The following FYB2 variants were observed in gnomAD, a reference collection of about 807,000 sequenced individuals.
FYB2 encodes FYN binding protein 2.
A neutral mutation model predicts 94.1 loss-of-function variants in FYB2; 103 were observed. The observed-to-expected ratio is 1.09, with a 90% confidence interval of 0.93 to 1.29. The LOEUF (loss-of-function observed/expected upper bound fraction) is 1.29. Among genes scored for constraint, FYB2 ranks in the 50% most tolerant of loss-of-function variants. FYB2 has a pLI of 0.00. For synonymous variants in FYB2, 293 were observed against 287.9 expected, an observed-to-expected ratio of 1.02 and a Z score of -0.18; for missense variants, 896 against 841.5, an observed-to-expected ratio of 1.06 and a Z score of -0.80.
At chr1:56,756,989 T>G (rs181225546) in intron 6 of FYB2, among the ~76,000 whole-genome samples, 16 of 152,236 alleles carry the variant, frequency 1.1e-4, no homozygotes, top group Admixed American at 3.9e-4. Context: ...GAGCATAAAC[T>G]ATGTTGACTC....
chr1:56,735,556 G>A (rs745838670), intron 15 of FYB2, among the ~76,000 whole-genome samples: 18 of 152,074 alleles, frequency 1.2e-4, no homozygotes, highest in Non-Finnish European at 2.5e-4. Flanking sequence ...GTCAGGCTTT[G>A]TGTCTCCACT....
At chr1:56,756,476 G>A (rs576260090) in intron 6 of FYB2, among the ~76,000 whole-genome samples, 1 of 152,146 alleles carries the variant, frequency 6.6e-6, no homozygotes, top group African/African-American at 2.4e-5. Context: ...TTTGGAATCT[G>A]TCTAAGAACT....
At chr1:56,823,577 C>T (rs956757668), upstream of FYB2, 1 of 152,186 alleles carries the variant, frequency 6.6e-6, no homozygotes, top group Non-Finnish European at 1.5e-5. Context: ...AAGCTCGCAT[C>T]TCAATTTTGT....
chr1:56,721,484 C>A, intron 17 of FYB2, among the ~76,000 whole-genome samples: 1 of 152,002 alleles, frequency 6.6e-6, no homozygotes, highest in Non-Finnish European at 1.5e-5. Flanking sequence ...GTAATCGCTT[C>A]CTTACTGGCT....
At chr1:56,821,170 A>G (rs996931212), upstream of FYB2, among the ~76,000 whole-genome samples, 2 of 152,194 alleles carry the variant, frequency 1.3e-5, no homozygotes, top group Admixed American at 6.5e-5. Flanking sequence ...CGCAGTCCCA[A>G]CTGATAATTG....
At chr1:56,795,253 A>G (rs934038187) in intron 1 of FYB2, among the ~76,000 whole-genome samples, 3 of 152,080 alleles carry the variant, frequency 2.0e-5, no homozygotes, top group Non-Finnish European at 2.9e-5. Context: ...TAACTGTCTT[A>G]TTTCACTTAT....
rs1190455939 is a variant in FYB2, at chr1:56,763,694, T to G, written c.1063+4135A>C. On this transcript the variant is annotated intron_variant, in intron 5 of 19. Coordinates refer to ENST00000343433, the MANE Select transcript of FYB2 (RefSeq NM_001004303.5). ...TTCAGCCTTGCTAGACGTTTATCAATTTTTTCAACCTTGCTAGAAGTTTGT... is the reference window on the plus strand; with the variant it reads ...TTCAGCCTTGCTAGACGTTTATCAAGTTTTTCAACCTTGCTAGAAGTTTGT... Among the ~76,000 whole-genome samples the G allele has an allele frequency of 2.0e-5, 3 of 152,282 alleles. No individual in the cohort carries two copies. The East Asian group carries it at 5.8e-4, about 29-fold the overall frequency.
At chr1:56,793,120 A>G (rs972477986) in intron 1 of FYB2, among the ~76,000 whole-genome samples, 1 of 152,184 alleles carries the variant, frequency 6.6e-6, no homozygotes, top group Non-Finnish European at 1.5e-5. Flanking sequence ...CCCTTGATAC[A>G]AACTTTTGAT....
intron 14 of FYB2, 109 bp downstream of exon 14, chr1:56,738,516 A>G: frequency 8.5e-7 from 1 of 1,180,954 alleles, no homozygotes; most frequent in Non-Finnish European, 1.2e-6. Flanking sequence ...TGGTAGAGCA[A>G]TTTTTCATCA....
intron 5 of FYB2, among the ~76,000 whole-genome samples, chr1:56,759,364 A>T (rs1007074648): frequency 1.1e-4 from 16 of 152,184 alleles, no homozygotes; most frequent in African/African-American, 3.9e-4. Flanking sequence ...ACCATAGAAC[A>T]TACTTATACA....
chr1:56,737,928 T>C (rs1242133326), intron 14 of FYB2, among the ~76,000 whole-genome samples: 2 of 152,112 alleles, frequency 1.3e-5, no homozygotes, highest in African/African-American at 4.8e-5. Context: ...TTGTCATTTG[T>C]CTTTTAGTTC....
chr1:56,799,389 A>T (rs1230771074), intron 1 of FYB2, among the ~76,000 whole-genome samples: 1 of 152,174 alleles, frequency 6.6e-6, no homozygotes, highest in East Asian at 1.9e-4. Context: ...TTAAAAATGT[A>T]GCTCTAATCA....
At chr1:56,766,308 G>A (rs894086226) in intron 5 of FYB2, among the ~76,000 whole-genome samples, 2 of 152,148 alleles carry the variant, frequency 1.3e-5, no homozygotes, top group East Asian at 1.9e-4. Context: ...CATTTTGGGG[G>A]TGCTGGGCAG....
rs928680149 is a variant in FYB2 at position 56,792,328 on chromosome 1, T to C, written c.485A>G (p.Tyr162Cys). The C allele has an allele frequency of 2.5e-6, 4 of 1,614,108 alleles. No individual in the cohort carries two copies. The Admixed American group carries it at 5.0e-5, about 20-fold the overall frequency. ...EMSSALLLAN[Y>C]GSKAIHLEGQ... The stretch of plus-strand genomic sequence containing the variant: ...TTCCAGATGGATGGCCTTACTTCCA[T>C]AGTTGGCAAGGAGAAGGGCTGAAGA... Residue 162 changes from tyrosine (Y) to cysteine (C), a missense_variant, in exon 2 of 20, where the codon TAT becomes TGT. Transcript: ENST00000343433.
chr1:56,751,010 A>G (rs752404869), intron 9 of FYB2, 34 bp downstream of exon 9: 4 of 1,595,324 alleles, frequency 2.5e-6, no homozygotes, highest in Non-Finnish European at 1.7e-6. Flanking sequence ...ACAAATTGTA[A>G]TGATGAAGAA....
At chr1:56,756,743 G>A (rs1419187453) in intron 6 of FYB2, among the ~76,000 whole-genome samples, 1 of 152,068 alleles carries the variant, frequency 6.6e-6, no homozygotes, top group Non-Finnish European at 1.5e-5. Context: ...CTGTAATATG[G>A]GAGCAGTGAT....
At chr1:56,731,580 T>A (rs2100542013) in intron 15 of FYB2, among the ~76,000 whole-genome samples, 1 of 152,142 alleles carries the variant, frequency 6.6e-6, no homozygotes. Context: ...ACTGGCTTCA[T>A]CATGTGAAGC....
upstream of FYB2, among the ~76,000 whole-genome samples, chr1:56,819,948 C>T (rs7523601): frequency 0.25 from 37,529 of 151,962 alleles, 4,709 homozygotes; most frequent in Middle Eastern, 0.29. Context: ...TGAAGAATGG[C>T]CGGGTGCAGT....
chr1:56,720,077 G>A (rs376135398), intron 18 of FYB2, 22 bp from the exon 19 acceptor site: 17 of 1,596,620 alleles, frequency 1.1e-5, no homozygotes, highest in South Asian at 3.4e-5. Context: ...AAAAGTCACC[G>A]TTAATTTGAA....
Sources: gnomAD v4.1 joint callset for allele counts (sites outside exome capture counted in the v4.1 genomes callset) on GRCh38, gnomAD v4.1.1 for gene constraint, MANE v1.5 for transcripts, NCBI Gene and HGNC (gene_info 2026-07-23, HGNC 2026-07-21) for gene names.